DIP2B: variants seen among roughly 807,000 people sequenced by gnomAD.
DIP2B encodes disco-interacting protein 2 homolog B.
Under a neutral mutation model 198.0 loss-of-function variants are expected in DIP2B, and 76 were observed. The ratio of observed to expected loss-of-function variants is 0.38; its 90% CI spans 0.32 to 0.46. The LOEUF (loss-of-function observed/expected upper bound fraction) is 0.46, where lower values mean the gene tolerates loss of function less well. Among genes scored for constraint, DIP2B ranks in the 20% least tolerant of loss-of-function variants. The pLI, the probability that DIP2B is intolerant of heterozygous loss-of-function variation, is 0.99. For missense variants in DIP2B, 1,559 were observed against 1,978.4 expected (o/e 0.79, Z 4.02); for synonymous variants, 701 against 739.1 (o/e 0.95, Z 0.84).
At chr12:50,683,338 T>C (rs1939077022) in intron 10 of DIP2B, 90 bp downstream of exon 10, 2 of 1,058,704 alleles carry the variant, frequency 1.9e-6, no homozygotes, top group African/African-American at 1.6e-5. Flanking sequence ...CAGTAAAAAC[T>C]GTTCGACCAT....
chr12:50,741,738 G>A (rs190441840), intron 37 of DIP2B, among the ~76,000 whole-genome samples, 199 bp downstream of exon 37: 2 of 152,296 alleles, frequency 1.3e-5, no homozygotes, highest in African/African-American at 4.8e-5. Context: ...AGCCAGATGA[G>A]GCCATGAGGC....
chr12:50,640,634 C>T (rs1938238894), intron 2 of DIP2B, 90 bp from the exon 3 acceptor site: 1 of 1,418,014 alleles, frequency 7.1e-7, no homozygotes, highest in African/African-American at 1.4e-5. Flanking sequence ...TAGTACCTAG[C>T]TCAGAGTATT....
chr12:50,543,755 C>G (rs68171620), intron 1 of DIP2B, among the ~76,000 whole-genome samples: 41,356 of 150,644 alleles, frequency 0.27, 6,381 homozygotes, highest in Non-Finnish European at 0.35. Context: ...GAAACCCTGT[C>G]TCTACTAATA....
chr12:50,509,922 A>G (rs1593563338), intron 1 of DIP2B, among the ~76,000 whole-genome samples: 1 of 152,226 alleles, frequency 6.6e-6, no homozygotes, highest in Non-Finnish European at 1.5e-5. Flanking sequence ...TTTTTAAATA[A>G]CCAAGAATGG....
At chr12:50,638,797 T>C (rs1395991636) in intron 2 of DIP2B, among the ~76,000 whole-genome samples, 2 of 152,148 alleles carry the variant, frequency 1.3e-5, no homozygotes, top group Non-Finnish European at 2.9e-5. Context: ...CCACCTCTTT[T>C]TGATGAGGCC....
intron 37 of DIP2B, chr12:50,743,795 A>C (rs1364951790): frequency 6.6e-6 from 1 of 152,258 alleles, no homozygotes; most frequent in African/African-American, 2.4e-5. Flanking sequence ...TATCTCAGAC[A>C]TTCCAAAAAA....
intron 31 of DIP2B, 66 bp from the exon 32 acceptor site, chr12:50,732,300 T>A: frequency 6.4e-7 from 1 of 1,551,088 alleles, no homozygotes; most frequent in Non-Finnish European, 8.8e-7. Context: ...GCTAGAACAG[T>A]GGCCTTACCT....
At chr12:50,605,891 G>A (rs1453155982) in intron 1 of DIP2B, among the ~76,000 whole-genome samples, 5 of 151,754 alleles carry the variant, frequency 3.3e-5, no homozygotes, top group African/African-American at 4.8e-5. Context: ...GCATGATCTC[G>A]GCTCACTGCA....
At chr12:50,511,905 G>C (rs1313807053) in intron 1 of DIP2B, among the ~76,000 whole-genome samples, 1 of 128,744 alleles carries the variant, frequency 7.8e-6, no homozygotes, top group East Asian at 2.4e-4. Flanking sequence ...CCGAGATCGC[G>C]TCACTGCACT....
At chr12:50,572,096 A>G (rs1958620143) in intron 1 of DIP2B, among the ~76,000 whole-genome samples, 1 of 152,216 alleles carries the variant, frequency 6.6e-6, no homozygotes, top group Non-Finnish European at 1.5e-5. Flanking sequence ...TTAACGTAAA[A>G]TATTTATATT....
At chr12:50,513,495 C>T (rs1010710274) in intron 1 of DIP2B, among the ~76,000 whole-genome samples, 1 of 152,214 alleles carries the variant, frequency 6.6e-6, no homozygotes, top group South Asian at 2.1e-4. Flanking sequence ...ATGTTTAGAA[C>T]CTTCAGAAAC....
Position 50,745,940 on chromosome 12 carries a change from G to A in DIP2B, c.*1101G>A, listed in dbSNP as rs963770543. On this transcript the variant is annotated 3_prime_UTR_variant, in exon 38 of 38. Coordinates refer to ENST00000301180, the MANE Select transcript of DIP2B (RefSeq NM_173602.3). ...CTGTTCTTCCAGTTCACGAGGGCAG[G>A]GGGTTTAAAACAAGAATGATAGGCC... 10 of 152,174 alleles carry A rather than the reference G, an allele frequency of 6.6e-5. No individual in the cohort carries two copies. The highest frequency in any genetic ancestry group is 2.2e-4 in the African/African-American group (9 of 41,408). The allele number at this position is 152,174 out of a possible 1,614,324, so 9.4% of individuals were successfully genotyped here. A position where few individuals can be genotyped will look rare whatever the true frequency, so the allele number is the denominator to read the frequency against.
chr12:50,726,640 C>T (rs1356636745), intron 28 of DIP2B, among the ~76,000 whole-genome samples: 3 of 151,108 alleles, frequency 2.0e-5, no homozygotes, highest in Non-Finnish European at 4.4e-5. Context: ...TGTGAGCCAC[C>T]GCACCTGGCC....
rs1266982942 is a variant in DIP2B, at chr12:50,748,519, T to C, written c.*3680T>C. On this transcript the variant is annotated 3_prime_UTR_variant, in exon 38 of 38. Transcript: ENST00000301180. ...GTCAAATTCAAACTACAGTACTGTG[T>C]AATTATGTATAAAGTTTTTTTATTT... 6.5e-6 allele frequency: 1 copy of C among 152,686 alleles called. No homozygotes were observed. Among genetic ancestry groups the C allele is most frequent in the Non-Finnish European group, 1.5e-5 (1 of 68,044 alleles). 9.5% of individuals were successfully genotyped at this position (152,686 alleles called of 1,614,324 possible).
At chr12:50,699,609 G>A (rs979724121) in intron 19 of DIP2B, among the ~76,000 whole-genome samples, 1 of 152,082 alleles carries the variant, frequency 6.6e-6, no homozygotes, top group African/African-American at 2.4e-5. Context: ...GGAGGTTGAG[G>A]CGGAAGGATT....
At chr12:50,697,292 C>T (rs765022680) in intron 17 of DIP2B, 117 bp downstream of exon 17, 1 of 857,486 alleles carries the variant, frequency 1.2e-6, no homozygotes, top group East Asian at 2.9e-5. Context: ...TTTCAAGCAT[C>T]TCATTTTTCC....
intron 3 of DIP2B, among the ~76,000 whole-genome samples, chr12:50,643,377 T>C (rs151323272): frequency 1.2e-4 from 18 of 148,064 alleles, no homozygotes; most frequent in African/African-American, 4.5e-4. Flanking sequence ...TTTGTAACAA[T>C]TGTATGTTAA....
At position 50,606,126 on chromosome 12, in the gene DIP2B, C is replaced by G. The variant is rs185634558; in HGVS notation, c.101-19850C>G. On this transcript the variant is annotated intron_variant, in intron 1 of 37. Coordinates refer to ENST00000301180, the MANE Select transcript of DIP2B (RefSeq NM_173602.3). ...GCATGAGCCACCGCACCTGGCCTTT[C>G]TTTTCTTTCTTTTGAGATGGATCTT... Among the ~76,000 whole-genome samples, 432 of 152,124 alleles carry G rather than the reference C, an allele frequency of 2.8e-3. 1 individual carries two copies. The highest frequency in any genetic ancestry group is 5.0e-3 in the Non-Finnish European group (339 of 67,952).
chr12:50,745,036 A>T lies in DIP2B; in HGVS notation c.*197A>T. ...GATGGCAAATGAAAAAAATGTTAAC[A>T]TTTGGTAGACATGTGCTTTGACATA... is the stretch of plus-strand genomic sequence containing the variant. On this transcript the variant is annotated 3_prime_UTR_variant, in exon 38 of 38. Transcript: ENST00000301180. 1 of 686,004 alleles carries T rather than the reference A, an allele frequency of 1.5e-6. No homozygotes were observed. The allele number at this position is 686,004 out of a possible 1,614,324, so 42.5% of individuals were successfully genotyped here.
Sources: gnomAD v4.1 joint callset for allele counts (sites outside exome capture counted in the v4.1 genomes callset) on GRCh38, gnomAD v4.1.1 for gene constraint, MANE v1.5 for transcripts, NCBI Gene and HGNC (gene_info 2026-07-23, HGNC 2026-07-21) for gene names.